Variants in SEC24A observed in about 807,000 individuals in gnomAD.
SEC24A encodes protein transport protein Sec24A.
SEC24A carries 93 observed loss-of-function variants against 129.4 expected under a neutral mutation model. That is an observed-to-expected ratio of 0.72 (90% confidence interval 0.61 to 0.85). The LOEUF (loss-of-function observed/expected upper bound fraction) is 0.85. Among genes scored for constraint, SEC24A ranks in the 40% least tolerant of loss-of-function variants. SEC24A has a pLI of 0.00. For missense variants in SEC24A, 1,264 were observed against 1,307.4 expected, an observed-to-expected ratio of 0.97 and a Z score of 0.51; for synonymous variants, 460 against 467.3, an observed-to-expected ratio of 0.98 and a Z score of 0.20.
intron 9 of SEC24A, 53 bp downstream of exon 9, chr5:134,682,535 A>G: frequency 1.1e-6 from 1 of 911,934 alleles, no homozygotes; most frequent in Non-Finnish European, 1.8e-6. Context: ...CCAGGTTTTA[A>G]GTAAAACAAT....
chr5:134,671,684 T>C (rs917343837), intron 3 of SEC24A, 125 bp from the exon 4 acceptor site: 3 of 580,196 alleles, frequency 5.2e-6, no homozygotes, highest in Admixed American at 7.2e-5. Context: ...ATGTTGTTAA[T>C]AGGCTGTGGT....
intron 7 of SEC24A, 31 bp from the exon 8 acceptor site, chr5:134,679,571 T>TA: frequency 6.6e-7 from 1 of 1,517,456 alleles, no homozygotes; most frequent in South Asian, 1.2e-5. Context: ...TTTTTGCCTT[T>TA]AAAAATTTAA....
intron 18 of SEC24A, among the ~76,000 whole-genome samples, chr5:134,709,166 G>GT (rs1359019799): frequency 1.3e-5 from 2 of 152,178 alleles, no homozygotes; most frequent in East Asian, 3.9e-4. Flanking sequence ...AGCCCATATC[G>GT]TGCCACTGTA....
At chr5:134,711,640 A>G (rs1235391902) in intron 18 of SEC24A, among the ~76,000 whole-genome samples, 2 of 138,796 alleles carry the variant, frequency 1.4e-5, no homozygotes, top group Admixed American at 8.1e-5. Context: ...TCGGCTCACT[A>G]CGACCTCAGC....
intron 11 of SEC24A, among the ~76,000 whole-genome samples, chr5:134,691,697 T>C (rs1342154582): frequency 6.6e-6 from 1 of 151,442 alleles, no homozygotes; most frequent in Non-Finnish European, 1.5e-5. Flanking sequence ...AGAGACAGGG[T>C]TTCACCACAT....
chr5:134,723,686 C>A lies in SEC24A; in HGVS notation c.3167+16C>A. 6.8e-7 allele frequency: 1 copy of A among 1,465,800 alleles called. No homozygotes were observed. Among genetic ancestry groups the A allele is most frequent in the Non-Finnish European group, 9.6e-7 (1 of 1,046,874 alleles). 90.8% of individuals were successfully genotyped at this position (1,465,800 alleles called of 1,614,324 possible). A position where few individuals can be genotyped will look rare whatever the true frequency, so the allele number is the denominator to read the frequency against. ...ATGTAATAAGGTAAGTTGAATTTTC[C>A]ATTTGCTAGTAGTAAAACAATTTGT... On this transcript the variant is annotated intron_variant, in intron 22 of 22. Coordinates refer to ENST00000398844, the MANE Select transcript of SEC24A (RefSeq NM_021982.3).
At chr5:134,716,883 T>G (rs1361524499) in intron 19 of SEC24A, among the ~76,000 whole-genome samples, 2 of 146,244 alleles carry the variant, frequency 1.4e-5, no homozygotes, top group Non-Finnish European at 1.5e-5. Flanking sequence ...CTTTTTTACT[T>G]TTTTTTTTTT....
intron 1 of SEC24A, among the ~76,000 whole-genome samples, chr5:134,660,575 C>CTTTTTTTTT (rs551519421): frequency 7.2e-6 from 1 of 139,318 alleles, no homozygotes; most frequent in Non-Finnish European, 1.6e-5. Context: ...TTTAGTCCAT[C>CTTTTTTTTT]TTTTTTTTTT....
intron 9 of SEC24A, among the ~76,000 whole-genome samples, chr5:134,684,487 C>T (rs1002351470): frequency 3.3e-5 from 5 of 151,102 alleles, no homozygotes; most frequent in East Asian, 2.0e-4. Flanking sequence ...CCAAGGTGGG[C>T]GGATGACTGG....
chr5:134,688,052 C>T, intron 10 of SEC24A, 129 bp from the exon 11 acceptor site: 1 of 697,486 alleles, frequency 1.4e-6, no homozygotes, highest in South Asian at 1.6e-5. Context: ...GTGGTTTAAA[C>T]ATTTGTTTGT....
At chr5:134,706,592 T>C (rs893057173) in intron 17 of SEC24A, among the ~76,000 whole-genome samples, 2 of 152,122 alleles carry the variant, frequency 1.3e-5, no homozygotes, top group Non-Finnish European at 2.9e-5. Flanking sequence ...CTTTACCTCC[T>C]GGGCTCAAGG....
At chr5:134,690,537 A>G (rs1281877917) in intron 11 of SEC24A, among the ~76,000 whole-genome samples, 1 of 152,142 alleles carries the variant, frequency 6.6e-6, no homozygotes, top group Non-Finnish European at 1.5e-5. Flanking sequence ...CTGGTCTCAA[A>G]CTCCTGGCCT....
In SEC24A at chr5:134,715,169, G is replaced by T; in HGVS notation, c.2865+8G>T. On this transcript the variant is annotated splice_region_variant and intron_variant, in intron 19 of 22. Transcript: ENST00000398844. Reference sequence around the variant, plus strand: ...GACAATCTCTCAGATGAGGTAAGATGGATTGCTTTTTTGTGGTTTTACTTG... The same window carrying T: ...GACAATCTCTCAGATGAGGTAAGATTGATTGCTTTTTTGTGGTTTTACTTG... 1 of 1,606,302 alleles carries T rather than the reference G, an allele frequency of 6.2e-7. No individual in the cohort carries two copies. The highest frequency in any genetic ancestry group is 8.5e-7 in the Non-Finnish European group (1 of 1,177,680).
intron 8 of SEC24A, 56 bp downstream of exon 8, chr5:134,679,784 C>A: frequency 7.3e-7 from 1 of 1,372,158 alleles, no homozygotes; most frequent in South Asian, 1.6e-5. Context: ...GTAGGGAAAT[C>A]AGATGATACA....
chr5:134,703,339 C>T (rs989247443), intron 15 of SEC24A, among the ~76,000 whole-genome samples: 1 of 152,050 alleles, frequency 6.6e-6, no homozygotes, highest in African/African-American at 2.4e-5. Flanking sequence ...GCAATCTTAG[C>T]TCACTGCAAC....
In SEC24A at chr5:134,715,112, T is replaced by A; in HGVS notation, c.2816T>A (p.Met939Lys). Residue 939 changes from methionine to lysine, a missense_variant, in exon 19 of 23, where the codon ATG (methionine) becomes AAG (lysine). Met to Lys is a moderately conservative substitution (Grantham distance 95). Coordinates refer to ENST00000398844, the MANE Select transcript of SEC24A (RefSeq NM_021982.3). Reference protein sequence around the residue: ...QVKNQPLVYLMLTTHPSLYRV... With the variant: ...QVKNQPLVYLKLTTHPSLYRV... The stretch of plus-strand genomic sequence containing the variant: ...AAAAACCAGCCCTTGGTTTACCTTA[T>A]GCTCACAACTCATCCCAGTTTGTAT... 3.1e-6 allele frequency: 5 copies of A among 1,610,968 alleles called. No homozygotes were observed. The highest frequency in any genetic ancestry group is 4.2e-6 in the Non-Finnish European group (5 of 1,179,292).
At chr5:134,698,198 A>G (rs767859772) in intron 15 of SEC24A, 141 bp downstream of exon 15, 1 of 668,644 alleles carries the variant, frequency 1.5e-6, no homozygotes, top group Non-Finnish European at 2.5e-6. Flanking sequence ...GAGAGAAGAA[A>G]CACTGTAACC....
chr5:134,678,237 G>A (rs1751136397), intron 7 of SEC24A, among the ~76,000 whole-genome samples: 1 of 152,080 alleles, frequency 6.6e-6, no homozygotes, highest in African/African-American at 2.4e-5. Flanking sequence ...AACTAGGAGT[G>A]TAATTCCAAA....
chr5:134,656,029 C>T (rs2150068229), intron 1 of SEC24A, among the ~76,000 whole-genome samples: 1 of 151,140 alleles, frequency 6.6e-6, no homozygotes, highest in East Asian at 1.9e-4. Context: ...AGATCAGTGA[C>T]TCCCATAATT....
Sources: gnomAD v4.1 joint callset for allele counts (sites outside exome capture counted in the v4.1 genomes callset) on GRCh38, gnomAD v4.1.1 for gene constraint, MANE v1.5 for transcripts, NCBI Gene and HGNC (gene_info 2026-07-23, HGNC 2026-07-21) for gene names.